RCBTB1: variants seen among roughly 807,000 people sequenced by gnomAD.
The protein encoded by RCBTB1 is RCC1 and BTB domain containing protein 1, also known as RCC1 and BTB domain-containing protein 1.
Under a neutral mutation model 62.4 loss-of-function variants are expected in RCBTB1, and 46 were observed. The observed-to-expected ratio is 0.74, with a 90% CI of 0.58 to 0.94. The LOEUF is 0.94. Ranked by LOEUF, RCBTB1 falls within the 40% of genes least tolerant of loss-of-function variation. The probability of loss-of-function intolerance (pLI) is 0.00; values close to 1 mark genes in which losing one functional copy is unlikely to be tolerated. For synonymous variants in RCBTB1, 222 were observed against 245.8 expected (o/e 0.90, Z 0.91); for missense variants, 565 against 654.9 (o/e 0.86, Z 1.50).
At chr13:49,573,979 T>G (rs1449629689) in intron 2 of RCBTB1, among the ~76,000 whole-genome samples, 1 of 148,468 alleles carries the variant, frequency 6.7e-6, no homozygotes, top group South Asian at 2.1e-4. Context: ...AGAAGGGGTT[T>G]CACCATGTTG....
At chr13:49,547,231 G>A (rs981111103) in intron 9 of RCBTB1, 28 of 1,204,260 alleles carry the variant, frequency 2.3e-5, no homozygotes, top group African/African-American at 3.2e-5. Context: ...TAAAGTGAAA[G>A]GGAGTATTCA....
Position 49,549,709 on chromosome 13 carries a change from C to T in RCBTB1, c.855-61G>A, listed in dbSNP as rs967591490. 2.5e-5 allele frequency: 38 copies of T among 1,522,418 alleles called. No homozygotes were observed. The African/African-American group carries it at 4.9e-4, about 20-fold the overall frequency. The allele number at this position is 1,522,418 out of a possible 1,614,324, so 94.3% of individuals were successfully genotyped here. A position where few individuals can be genotyped will look rare whatever the true frequency, so the allele number is the denominator to read the frequency against. ...GATCACAGAAGCCCACAGCACACCA[C>T]ACAAGGCAATTTAAAAGTTCATGCT... On this transcript the variant is annotated intron_variant, in intron 8 of 12. Transcript: ENST00000378302.
chr13:49,554,435 T>C (rs1181267735), intron 6 of RCBTB1, among the ~76,000 whole-genome samples: 2 of 152,158 alleles, frequency 1.3e-5, no homozygotes, highest in East Asian at 3.8e-4. Context: ...TTCATGATAC[T>C]GAGATTGATT....
rs1281098807 is a variant in RCBTB1, at chr13:49,538,746, A to AAT, written c.1455+2128_1455+2129dup. Among the ~76,000 whole-genome samples the AAT allele has an allele frequency of 4.8e-4, 55 of 115,046 alleles. 1 individual carries two copies. The South Asian group carries it at 5.6e-3, about 12-fold the overall frequency. 75.5% of individuals were successfully genotyped at this position (115,046 alleles called of 152,430 possible). On this transcript the variant is annotated intron_variant, in intron 12 of 12. Coordinates refer to ENST00000378302, the MANE Select transcript of RCBTB1 (RefSeq NM_018191.4). ...GAAAAAAAAATACATACAAATTATG[A>AAT]ATATATATATATACACACACACACA... is the stretch of plus-strand genomic sequence containing the variant.
intron 2 of RCBTB1, among the ~76,000 whole-genome samples, chr13:49,579,282 G>C (rs1287524559): frequency 6.6e-6 from 1 of 152,180 alleles, no homozygotes; most frequent in Non-Finnish European, 1.5e-5. Context: ...CCAGCTGCTA[G>C]AACAGCTGTC....
intron 6 of RCBTB1, among the ~76,000 whole-genome samples, chr13:49,554,682 T>C (rs1295023097): frequency 6.6e-6 from 1 of 152,180 alleles, no homozygotes; most frequent in Non-Finnish European, 1.5e-5. Flanking sequence ...CATTGTGAAC[T>C]GCACAACAAG....
At chr13:49,536,036 AAAG>A (rs1959915715) in intron 12 of RCBTB1, among the ~76,000 whole-genome samples, 1 of 152,080 alleles carries the variant, frequency 6.6e-6, no homozygotes, top group African/African-American at 2.4e-5. Context: ...AAAAAAAAAA[AAAG>A]AACTTTTATA....
At chr13:49,540,195 G>A (rs1960239625) in intron 12 of RCBTB1, among the ~76,000 whole-genome samples, 2 of 152,186 alleles carry the variant, frequency 1.3e-5, no homozygotes, top group African/African-American at 4.8e-5. Context: ...TTTATCAGGT[G>A]CCTAATATGT....
chr13:49,570,705 A>G (rs2137341205), intron 2 of RCBTB1, among the ~76,000 whole-genome samples: 1 of 152,368 alleles, frequency 6.6e-6, no homozygotes, highest in East Asian at 1.9e-4. Context: ...AATCAAGCAA[A>G]GCTAACAGCA....
Position 49,546,020 on chromosome 13 carries a change from T to C in RCBTB1, c.1046-1157A>G, listed in dbSNP as rs1050217105. The C allele has an allele frequency of 3.6e-5, 32 of 898,796 alleles. No individual in the cohort carries two copies. The African/African-American group carries it at 4.0e-4, about 11-fold the overall frequency. The allele number at this position is 898,796 out of a possible 1,614,324, so 55.7% of individuals were successfully genotyped here. On this transcript the variant is annotated intron_variant, in intron 9 of 12. Coordinates refer to ENST00000378302, the MANE Select transcript of RCBTB1 (RefSeq NM_018191.4). ...AGCTCTCCTGGCTACAGAGGAAAGG[T>C]AGAAAACCTCTCAAAAGTCAGGCTT...
At chr13:49,535,157 C>T (rs940198702) in intron 12 of RCBTB1, among the ~76,000 whole-genome samples, 1 of 152,242 alleles carries the variant, frequency 6.6e-6, no homozygotes, top group Admixed American at 6.5e-5. Flanking sequence ...GAACATCACC[C>T]CCACAGAAGT....
intron 2 of RCBTB1, among the ~76,000 whole-genome samples, chr13:49,570,810 T>C (rs1963345358): frequency 6.6e-6 from 1 of 152,234 alleles, no homozygotes; most frequent in African/African-American, 2.4e-5. Flanking sequence ...ATCTTCGTAA[T>C]ACTCTTGTGA....
chr13:49,566,840 G>C (rs1313843161), intron 3 of RCBTB1, 72 bp from the exon 4 acceptor site: 1 of 1,400,556 alleles, frequency 7.1e-7, no homozygotes, highest in East Asian at 2.3e-5. Flanking sequence ...TCTCTCCTCT[G>C]AAAATAAGAC....
intron 4 of RCBTB1, among the ~76,000 whole-genome samples, chr13:49,565,368 C>G (rs1962854666): frequency 6.6e-6 from 1 of 152,006 alleles, no homozygotes; most frequent in Non-Finnish European, 1.5e-5. Context: ...CTAGCTACGA[C>G]CTCCACCTCC....
At chr13:49,550,422 G>A (rs1434236505) in intron 8 of RCBTB1, 4 of 984,102 alleles carry the variant, frequency 4.1e-6, no homozygotes, top group Non-Finnish European at 4.8e-6. Context: ...ATATTTCTCA[G>A]TAGTATGCTT....
chr13:49,556,176 A>C (rs1961844247), intron 5 of RCBTB1, among the ~76,000 whole-genome samples: 1 of 149,952 alleles, frequency 6.7e-6, no homozygotes. Context: ...CATGGAAACC[A>C]TTCTTTTTGT....
At chr13:49,555,246 T>C (rs1004862616) in intron 6 of RCBTB1, among the ~76,000 whole-genome samples, 12 of 152,198 alleles carry the variant, frequency 7.9e-5, no homozygotes, top group African/African-American at 2.9e-4. Context: ...CACGAACAAA[T>C]AGCTATAGGC....
Position 49,551,102 on chromosome 13 carries a change from AAAGGG to A in RCBTB1, c.854+219_854+223del, listed in dbSNP as rs758804412. On this transcript the variant is annotated intron_variant, in intron 8 of 12. Coordinates refer to ENST00000378302, the MANE Select transcript of RCBTB1 (RefSeq NM_018191.4). ...TGGGTGACAGAGACTCTGTCTCAAAAAAGGGAAGGGAAGGGAAGGGAAGGGGGGAG... is the reference window on the plus strand; with the variant it reads ...TGGGTGACAGAGACTCTGTCTCAAAAAAGGGAAGGGAAGGGAAGGGGGGAG... 431 of 466,104 alleles carry A rather than the reference AAAGGG, an allele frequency of 9.2e-4. 5 individuals carry two copies. The highest frequency in any genetic ancestry group is 4.3e-3 in the African/African-American group (203 of 47,072). 28.9% of individuals were successfully genotyped at this position (466,104 alleles called of 1,614,324 possible).
In RCBTB1 at chr13:49,542,435, G is replaced by C. The variant is rs17073112; in HGVS notation, c.1173-608C>G. Among the ~76,000 whole-genome samples, 472 of 151,986 alleles carry C rather than the reference G, an allele frequency of 3.1e-3. 1 individual carries two copies. Among genetic ancestry groups the C allele is most frequent in the Middle Eastern group, 6.8e-3 (2 of 294 alleles). Reference sequence around the variant, plus strand: ...ACTTCCACTACTGTTTCCATTTGATGGTCCCCAAGATTTTTTTGCTCCTTT... The same window carrying C: ...ACTTCCACTACTGTTTCCATTTGATCGTCCCCAAGATTTTTTTGCTCCTTT... On this transcript the variant is annotated intron_variant, in intron 10 of 12. Coordinates refer to ENST00000378302, the MANE Select transcript of RCBTB1 (RefSeq NM_018191.4).
Sources: allele counts gnomAD v4.1 joint callset (sites outside exome capture counted in the v4.1 genomes callset), GRCh38; gene constraint gnomAD v4.1.1; transcripts MANE v1.5; gene names NCBI Gene and HGNC (gene_info 2026-07-23, HGNC 2026-07-21).